Variants in NUDT5 observed in about 807,000 individuals in gnomAD.
NUDT5 encodes ADP-sugar pyrophosphatase.
A neutral mutation model predicts 34.1 loss-of-function variants in NUDT5; 21 were observed. That is an observed-to-expected ratio of 0.62 (90% CI 0.44 to 0.89). NUDT5 has a LOEUF of 0.89. Among genes scored for constraint, NUDT5 ranks in the 40% least tolerant of loss-of-function variants. NUDT5 has a pLI of 0.00. For missense variants in NUDT5, 249 were observed against 274.8 expected, an observed-to-expected ratio of 0.91 and a Z score of 0.66; for synonymous variants, 85 against 97.6, an observed-to-expected ratio of 0.87 and a Z score of 0.76.
intron 4 of NUDT5, among the ~76,000 whole-genome samples, chr10:12,178,804 C>A (rs1275487994): frequency 6.6e-6 from 1 of 152,194 alleles, no homozygotes; most frequent in Non-Finnish European, 1.5e-5. Context: ...AGTCATAACA[C>A]GTCTAGACAC....
chr10:12,172,989 C>T, intron 6 of NUDT5, 123 bp from the exon 7 acceptor site: 3 of 684,264 alleles, frequency 4.4e-6, no homozygotes, highest in Non-Finnish European at 7.6e-6. Context: ...AAAACTAGTT[C>T]TCACATTTGG....
At chr10:12,190,974 T>G (rs533909086) in intron 1 of NUDT5, among the ~76,000 whole-genome samples, 1 of 152,190 alleles carries the variant, frequency 6.6e-6, no homozygotes, top group South Asian at 2.1e-4. Context: ...GAGAAAGCAT[T>G]CCAACTAGAA....
At chr10:12,185,614 T>C (rs1269389423) in intron 2 of NUDT5, among the ~76,000 whole-genome samples, 1 of 152,252 alleles carries the variant, frequency 6.6e-6, no homozygotes, top group Non-Finnish European at 1.5e-5. Context: ...TACTATCCTA[T>C]CTTTCACTTC....
rs1436595123 is a variant in NUDT5 at position 12,187,405 on chromosome 10, C to A, written c.-41-1073G>T. On this transcript the variant is annotated intron_variant, in intron 1 of 9. Coordinates refer to ENST00000491614, the MANE Select transcript of NUDT5 (RefSeq NM_014142.4). The surrounding 1 kb of genome is among the most constrained non-coding windows in gnomAD (Gnocchi z 5.4). ...GCAGAGAAAGGATCGAGTAGTACTA[C>A]AAGTTCTGTTATGAAAAGAGCAGGC... Among the ~76,000 whole-genome samples, 1 of 152,200 alleles carries A rather than the reference C, an allele frequency of 6.6e-6. No homozygotes were observed. The highest frequency in any genetic ancestry group is 1.5e-5 in the Non-Finnish European group (1 of 68,036).
intron 4 of NUDT5, 148 bp from the exon 5 acceptor site, chr10:12,178,048 A>T (rs1338374297): frequency 1.7e-5 from 10 of 589,972 alleles, no homozygotes; most frequent in Admixed American, 3.1e-5. Flanking sequence ...AAGCTATTTT[A>T]AAAATGTAAT....
In NUDT5 at chr10:12,170,812, G is replaced by A; in HGVS notation, c.497-42C>T. 6.2e-7 allele frequency: 1 copy of A among 1,613,384 alleles called. No individual in the cohort carries two copies. Among genetic ancestry groups the A allele is most frequent in the East Asian group, 2.2e-5 (1 of 44,882 alleles). ...CAAGTGAAAACAAAGCTAACGTCAAGAGCCTACCAAAACAACCCAAAATGT... is the reference window on the plus strand; with the variant it reads ...CAAGTGAAAACAAAGCTAACGTCAAAAGCCTACCAAAACAACCCAAAATGT... On this transcript the variant is annotated intron_variant, in intron 8 of 9. Coordinates refer to ENST00000491614, the MANE Select transcript of NUDT5 (RefSeq NM_014142.4). The surrounding 1 kb of genome is among the most constrained non-coding windows in gnomAD (Gnocchi z 4.9).
chr10:12,167,648 G>C lies in NUDT5; in HGVS notation c.*54C>G, dbSNP rs1003949467. The C allele has an allele frequency of 2.6e-6, 4 of 1,532,650 alleles. No individual in the cohort carries two copies. The highest frequency in any genetic ancestry group is 2.7e-5 in the African/African-American group (2 of 72,940). 94.9% of individuals were successfully genotyped at this position (1,532,650 alleles called of 1,614,324 possible). The stretch of plus-strand genomic sequence containing the variant: ...AAACTAAGTTGAATACAAAGTCTTA[G>C]TGAAGAAGGCCTGGTGGTCTCGTTT... On this transcript the variant is annotated 3_prime_UTR_variant, in exon 10 of 10. Transcript: ENST00000491614.
Position 12,186,262 on chromosome 10 carries a change from A to G in NUDT5, c.30T>C (p.Ser10=). 6.2e-7 allele frequency: 1 copy of G among 1,614,044 alleles called. No homozygotes were observed. Among genetic ancestry groups the G allele is most frequent in the East Asian group, 2.2e-5 (1 of 44,890 alleles). ...AAATGATATACTGTTTGCCATTCTG[A>G]GAAGATTCCGTTGGTTCTTGGCTCT... MESQEPTES[S]QNGKQYIISE... Residue 10 remains serine, a synonymous_variant, in exon 2 of 10, where the codon TCT becomes TCC. Coordinates refer to ENST00000491614, the MANE Select transcript of NUDT5 (RefSeq NM_014142.4).
intron 4 of NUDT5, chr10:12,178,881 A>G (rs970092978): frequency 1.7e-6 from 1 of 601,310 alleles, no homozygotes; most frequent in Non-Finnish European, 3.0e-6. Context: ...CCCCTCAAAA[A>G]CAATGTTTTG....
At chr10:12,176,286 G>A (rs536786793) in intron 5 of NUDT5, among the ~76,000 whole-genome samples, 1 of 152,250 alleles carries the variant, frequency 6.6e-6, no homozygotes, top group South Asian at 2.1e-4. Flanking sequence ...TTAACCATGT[G>A]TTACCAGCAG....
At position 12,192,228 on chromosome 10, in the gene NUDT5, A is replaced by C. The variant is rs749318517; in HGVS notation, c.-42+3542T>G. 9.9e-5 allele frequency among the ~76,000 whole-genome samples: 15 copies of C among 151,730 alleles called. No individual in the cohort carries two copies. In the South Asian group the frequency reaches 1.0e-3, roughly 11 times the overall value. On this transcript the variant is annotated intron_variant, in intron 1 of 9. Transcript: ENST00000491614. Reference sequence around the variant, plus strand: ...CTGAGGCAGGAGAATCGCTTGAACGAGGGAGGTGGAGGTTGCAGTGAGCCG... The same window carrying C: ...CTGAGGCAGGAGAATCGCTTGAACGCGGGAGGTGGAGGTTGCAGTGAGCCG...
At position 12,181,823 on chromosome 10, in the gene NUDT5, A is replaced by C. The variant is rs970988185; in HGVS notation, c.132-2691T>G. Among the ~76,000 whole-genome samples, 1 of 152,056 alleles carries C rather than the reference A, an allele frequency of 6.6e-6. No individual in the cohort carries two copies. Among genetic ancestry groups the C allele is most frequent in the Admixed American group, 6.6e-5 (1 of 15,262 alleles). The stretch of plus-strand genomic sequence containing the variant: ...GTGAGACTCTGTCTCTACTAAAAAA[A>C]TAAAAATTAAATAAATTTAAAAAAA... On this transcript the variant is annotated intron_variant, in intron 3 of 9. Transcript: ENST00000491614. The surrounding 1 kb of genome is among the most constrained non-coding windows in gnomAD (Gnocchi z 5.0).
At chr10:12,194,375 T>C (rs1187961555) in intron 1 of NUDT5, among the ~76,000 whole-genome samples, 1 of 152,384 alleles carries the variant, frequency 6.6e-6, no homozygotes, top group East Asian at 1.9e-4. Flanking sequence ...TTTGAGCGAC[T>C]GCTCCTGTCT....
chr10:12,170,501 T>C lies in NUDT5; in HGVS notation c.550+216A>G, dbSNP rs1311677897. 5 of 634,414 alleles carry C rather than the reference T, an allele frequency of 7.9e-6. No homozygotes were observed. The highest frequency in any genetic ancestry group is 1.4e-5 in the Non-Finnish European group (5 of 359,616). 39.3% of individuals were successfully genotyped at this position (634,414 alleles called of 1,614,324 possible). A position where few individuals can be genotyped will look rare whatever the true frequency, so the allele number is the denominator to read the frequency against. On this transcript the variant is annotated intron_variant, in intron 9 of 9. Coordinates refer to ENST00000491614, the MANE Select transcript of NUDT5 (RefSeq NM_014142.4). The surrounding 1 kb of genome is among the most constrained non-coding windows in gnomAD (Gnocchi z 4.9). ...GGAGAAAAAGCCTCTACCAAAAGTT[T>C]GCACTTGACCCAGAATGCTTTGCTC...
intron 4 of NUDT5, 42 bp downstream of exon 4, chr10:12,179,040 CT>C: frequency 6.5e-7 from 1 of 1,545,664 alleles, no homozygotes; most frequent in East Asian, 2.2e-5. Flanking sequence ...ATCACAAGTG[CT>C]AACTTCCTTT....
chr10:12,173,874 T>C lies in NUDT5; in HGVS notation c.290-61A>G, dbSNP rs1320958571. ...AAATCCGGTTCTTTAAACCCTCCTT[T>C]TTTTTTTTTTGAGATGGAGTCTCAC... On this transcript the variant is annotated intron_variant, in intron 5 of 9. Transcript: ENST00000491614. The surrounding 1 kb of genome is among the most constrained non-coding windows in gnomAD (Gnocchi z 4.7). The C allele has an allele frequency of 7.3e-5, 75 of 1,029,176 alleles. No individual in the cohort carries two copies. The highest frequency in any genetic ancestry group is 9.8e-5 in the Non-Finnish European group (69 of 703,132). The allele number at this position is 1,029,176 out of a possible 1,614,324, so 63.8% of individuals were successfully genotyped here.
At position 12,173,628 on chromosome 10, in the gene NUDT5, G is replaced by C; in HGVS notation, c.385+90C>G. On this transcript the variant is annotated intron_variant, in intron 6 of 9. Transcript: ENST00000491614. This position sits in a 1 kb window ranked among gnomAD's most constrained non-coding sequence, Gnocchi z 4.7. Reference sequence around the variant, plus strand: ...CTAATCTGTGATTTCTTTCTCTTCAGTGAATTCTGAGCGTAAAGAACACCC... The same window carrying C: ...CTAATCTGTGATTTCTTTCTCTTCACTGAATTCTGAGCGTAAAGAACACCC... 2 of 1,004,316 alleles carry C rather than the reference G, an allele frequency of 2.0e-6. No individual in the cohort carries two copies. Among genetic ancestry groups the C allele is most frequent in the Non-Finnish European group, 3.2e-6 (2 of 628,342 alleles). The allele number at this position is 1,004,316 out of a possible 1,614,324, so 62.2% of individuals were successfully genotyped here.
At position 12,173,376 on chromosome 10, in the gene NUDT5, G is replaced by A. The variant is rs542419359; in HGVS notation, c.385+342C>T. Among the ~76,000 whole-genome samples the A allele has an allele frequency of 1.3e-5, 2 of 152,120 alleles. No individual in the cohort carries two copies. Among genetic ancestry groups the A allele is most frequent in the African/African-American group, 4.8e-5 (2 of 41,424 alleles). The stretch of plus-strand genomic sequence containing the variant: ...GGTGTGCGCCACCCGGCTAATTTTT[G>A]TATTTTTAGTAGAGATGGGTTTCAC... On this transcript the variant is annotated intron_variant, in intron 6 of 9. Transcript: ENST00000491614. The surrounding 1 kb of genome is among the most constrained non-coding windows in gnomAD (Gnocchi z 4.7).
Position 12,169,873 on chromosome 10 carries a change from A to T in NUDT5, c.550+844T>A, listed in dbSNP as rs1046466178. On this transcript the variant is annotated intron_variant, in intron 9 of 9. Coordinates refer to ENST00000491614, the MANE Select transcript of NUDT5 (RefSeq NM_014142.4). The surrounding 1 kb of genome is among the most constrained non-coding windows in gnomAD (Gnocchi z 4.8). Reference sequence around the variant, plus strand: ...CAGGCCAAACAATGCTTCAAATCACATTTGAAGTAATCACTTAAAAACAGT... The same window carrying T: ...CAGGCCAAACAATGCTTCAAATCACTTTTGAAGTAATCACTTAAAAACAGT... The T allele has an allele frequency of 2.4e-6, 1 of 418,898 alleles. No individual in the cohort carries two copies. The highest frequency in any genetic ancestry group is 4.2e-6 in the Non-Finnish European group (1 of 236,444). 25.9% of individuals were successfully genotyped at this position (418,898 alleles called of 1,614,324 possible). A position where few individuals can be genotyped will look rare whatever the true frequency, so the allele number is the denominator to read the frequency against.
Sources: gnomAD v4.1 joint callset for allele counts (sites outside exome capture counted in the v4.1 genomes callset) on GRCh38, gnomAD v4.1.1 for gene constraint, Gnocchi (gnomAD v3.1) non-coding constraint, MANE v1.5 for transcripts, NCBI Gene and HGNC (gene_info 2026-07-23, HGNC 2026-07-21) for gene names.